MEIKIN: variants seen among roughly 807,000 people sequenced by gnomAD.
MEIKIN encodes meiotic kinetochore factor.
chr5:131,872,541 C>T lies in MEIKIN; in HGVS notation c.774+6437G>A, dbSNP rs12153475. 3.7e-3 allele frequency among the ~76,000 whole-genome samples: 560 copies of T among 152,272 alleles called. 3 individuals carry two copies. Among genetic ancestry groups the T allele is most frequent in the Non-Finnish European group, 6.1e-3 (412 of 68,026 alleles). ...ATCTGATTGGTGTACCTGAAAGTGA[C>T]GGGGAGAATGGAACCAAGCTGGAAA... is the stretch of plus-strand genomic sequence containing the variant. On this transcript the variant is annotated intron_variant, in intron 9 of 12. Coordinates refer to ENST00000442687, the MANE Select transcript of MEIKIN (RefSeq NM_001303622.2).
chr5:131,834,327 CT>C (rs1169408095), intron 11 of MEIKIN, among the ~76,000 whole-genome samples: 1 of 152,264 alleles, frequency 6.6e-6, no homozygotes, highest in Non-Finnish European at 1.5e-5. Flanking sequence ...CACAGCTTCC[CT>C]TTTTTGTTTG....
intron 8 of MEIKIN, among the ~76,000 whole-genome samples, chr5:131,904,179 T>G (rs1751207621): frequency 6.6e-6 from 1 of 152,158 alleles, no homozygotes; most frequent in Non-Finnish European, 1.5e-5. Context: ...AGCAAGTTCT[T>G]AGAGACCTAT....
chr5:131,914,599 AG>A (rs2149644924), intron 7 of MEIKIN, among the ~76,000 whole-genome samples: 1 of 67,286 alleles, frequency 1.5e-5, no homozygotes, highest in East Asian at 9.2e-4. Flanking sequence ...AGGGAAGGGA[AG>A]GGAAGGGAAG....
intron 8 of MEIKIN, among the ~76,000 whole-genome samples, chr5:131,911,418 G>A (rs1751334286): frequency 6.6e-6 from 1 of 151,840 alleles, no homozygotes; most frequent in African/African-American, 2.4e-5. Context: ...AACTACATAA[G>A]GGTTTGCAAG....
chr5:131,870,201 A>C (rs760820867), intron 9 of MEIKIN, among the ~76,000 whole-genome samples: 1 of 152,176 alleles, frequency 6.6e-6, no homozygotes, highest in Non-Finnish European at 1.5e-5. Context: ...GCTATTAAGC[A>C]CTCATAATAA....
At chr5:131,868,285 A>C (rs1263460915) in intron 9 of MEIKIN, among the ~76,000 whole-genome samples, 2 of 152,100 alleles carry the variant, frequency 1.3e-5, no homozygotes, top group African/African-American at 4.8e-5. Flanking sequence ...GGGTTTTGCC[A>C]TGTTGCCCAG....
intron 9 of MEIKIN, among the ~76,000 whole-genome samples, chr5:131,859,096 A>C (rs967624183): frequency 3.3e-5 from 5 of 152,224 alleles, no homozygotes; most frequent in African/African-American, 4.8e-5. Flanking sequence ...AAGGAATATA[A>C]ATCATTCTAC....
intron 8 of MEIKIN, among the ~76,000 whole-genome samples, chr5:131,887,633 T>C (rs932535004): frequency 3.3e-5 from 5 of 152,198 alleles, no homozygotes; most frequent in African/African-American, 1.2e-4. Context: ...CATAAAGGTC[T>C]TCTTTTGAGA....
At chr5:131,890,737 C>G (rs567678520) in intron 8 of MEIKIN, among the ~76,000 whole-genome samples, 7 of 152,076 alleles carry the variant, frequency 4.6e-5, no homozygotes, top group South Asian at 2.1e-4. Context: ...TCTGATCTTA[C>G]TTATTTCTTG....
intron 8 of MEIKIN, among the ~76,000 whole-genome samples, chr5:131,904,166 T>C (rs1263476592): frequency 6.6e-6 from 1 of 152,134 alleles, no homozygotes; most frequent in African/African-American, 2.4e-5. Flanking sequence ...CCCAGATTCA[T>C]AAAGCAAGTT....
chr5:131,897,978 AGGT>A (rs1484942809), intron 8 of MEIKIN, among the ~76,000 whole-genome samples: 1 of 152,068 alleles, frequency 6.6e-6, no homozygotes, highest in Non-Finnish European at 1.5e-5. Context: ...GGAGGAGAAG[AGGT>A]GCTCTGGTTT....
chr5:131,944,080 C>T (rs1751919746), intron 3 of MEIKIN, among the ~76,000 whole-genome samples: 1 of 147,208 alleles, frequency 6.8e-6, no homozygotes, highest in African/African-American at 2.5e-5. Flanking sequence ...CACTGCACTC[C>T]AGCCTGGGTG....
intron 8 of MEIKIN, among the ~76,000 whole-genome samples, chr5:131,879,470 G>A (rs1384146326): frequency 6.6e-6 from 1 of 152,130 alleles, no homozygotes; most frequent in African/African-American, 2.4e-5. Flanking sequence ...ATTGTACAGT[G>A]GCGAAGCCTC....
chr5:131,892,410 G>A (rs567862384), intron 8 of MEIKIN, among the ~76,000 whole-genome samples: 17 of 152,108 alleles, frequency 1.1e-4, no homozygotes, highest in South Asian at 6.2e-4. Context: ...GGCTTTGTTC[G>A]TTTCTTTTTA....
intron 11 of MEIKIN, among the ~76,000 whole-genome samples, chr5:131,848,376 CAAAG>C (rs1299200897): frequency 1.3e-5 from 2 of 151,984 alleles, no homozygotes; most frequent in Non-Finnish European, 2.9e-5. Flanking sequence ...AAGAGAATTA[CAAAG>C]AGAGTATTAT....
chr5:131,893,349 T>C (rs1750970708), intron 8 of MEIKIN, among the ~76,000 whole-genome samples: 1 of 152,242 alleles, frequency 6.6e-6, no homozygotes, highest in African/African-American at 2.4e-5. Flanking sequence ...ACTGCTGTGC[T>C]AGCAATGAGC....
intron 12 of MEIKIN, among the ~76,000 whole-genome samples, chr5:131,812,605 A>T (rs1449463058): frequency 6.6e-6 from 1 of 152,178 alleles, no homozygotes; most frequent in Non-Finnish European, 1.5e-5. Flanking sequence ...CATATTTCTC[A>T]TTTAGGTGTG....
intron 8 of MEIKIN, among the ~76,000 whole-genome samples, chr5:131,891,242 G>T (rs181821924): frequency 1.3e-5 from 2 of 152,178 alleles, no homozygotes; most frequent in Non-Finnish European, 2.9e-5. Context: ...TGCGCTTGGT[G>T]CATAGCTGAG....
At chr5:131,860,618 T>A (rs10064997) in intron 9 of MEIKIN, among the ~76,000 whole-genome samples, 4 of 151,192 alleles carry the variant, frequency 2.6e-5, no homozygotes, top group South Asian at 2.1e-4. Context: ...ATAATTTTTT[T>A]TTTTATTTTT....
Sources: allele counts gnomAD v4.1 joint callset (sites outside exome capture counted in the v4.1 genomes callset), GRCh38; gene constraint gnomAD v4.1.1; transcripts MANE v1.5; gene names NCBI Gene and HGNC (gene_info 2026-07-23, HGNC 2026-07-21).